The following MORC4 variants were observed in gnomAD, a reference collection of about 807,000 sequenced individuals.
The protein encoded by MORC4 is MORC family CW-type zinc finger 4, also known as MORC family CW-type zinc finger protein 4.
A neutral mutation model predicts 65.5 loss-of-function variants in MORC4; 22 were observed. That is an observed-to-expected ratio of 0.34 (90% CI 0.24 to 0.48). MORC4 has a LOEUF of 0.48. Ranked by LOEUF, MORC4 falls within the 20% of genes least tolerant of loss-of-function variation. The pLI, the probability that MORC4 is intolerant of heterozygous loss-of-function variation, is 0.99. For synonymous variants in MORC4, 267 were observed against 255.8 expected (o/e 1.04, Z -0.42); for missense variants, 624 against 703.0 (o/e 0.89, Z 1.27).
intron 10 of MORC4, among the ~76,000 whole-genome samples, chrX:106,961,520 C>T (rs1002690590): frequency 8.9e-6 from 1 of 111,886 alleles, no homozygotes; most frequent in Middle Eastern, 4.6e-3. Flanking sequence ...CTTCCTGGGT[C>T]GAGTGGGGAC....
At chrX:106,973,194 G>A (rs938542826) in intron 9 of MORC4, among the ~76,000 whole-genome samples, 1 of 112,054 alleles carries the variant, frequency 8.9e-6, no homozygotes, top group Non-Finnish European at 1.9e-5. Flanking sequence ...AAATGCCTGT[G>A]ACCTGTGACC....
chrX:106,981,133 G>T (rs1056940039), intron 6 of MORC4, 114 bp from the exon 7 acceptor site: 1 of 969,333 alleles, frequency 1.0e-6, no homozygotes, highest in East Asian at 3.1e-5. Context: ...ATTTGGCTCA[G>T]TTTCTATACC....
chrX:106,956,639 A>G, intron 12 of MORC4, 105 bp from the exon 13 acceptor site: 1 of 723,516 alleles, frequency 1.4e-6, no homozygotes, highest in Non-Finnish European at 2.1e-6. Context: ...CAAATTACAA[A>G]TACTGTGAGC....
At chrX:106,969,319 T>C (rs1167810747) in intron 9 of MORC4, among the ~76,000 whole-genome samples, 2 of 111,792 alleles carry the variant, frequency 1.8e-5, no homozygotes, top group Non-Finnish European at 3.8e-5. Flanking sequence ...GGGACACATT[T>C]AAAGCTGTCT....
chrX:106,993,626 C>G (rs1156282018), intron 2 of MORC4, among the ~76,000 whole-genome samples: 1 of 111,664 alleles, frequency 9.0e-6, no homozygotes, highest in African/African-American at 3.3e-5. Context: ...ACTTCAGGGT[C>G]TTTGGAAAAA....
intron 7 of MORC4, among the ~76,000 whole-genome samples, chrX:106,979,678 G>T (rs1934700582): frequency 9.0e-6 from 1 of 110,862 alleles, no homozygotes; most frequent in East Asian, 2.8e-4. Flanking sequence ...AATGGGAAGG[G>T]AGTCTGAGAA....
chrX:106,989,880 A>T (rs2147825667), intron 3 of MORC4, among the ~76,000 whole-genome samples: 1 of 97,335 alleles, frequency 1.0e-5, no homozygotes, highest in African/African-American at 3.8e-5. Flanking sequence ...AAAAAAAAAA[A>T]AACCCAGAAA....
Position 106,954,991 on chromosome X carries a change from A to G in MORC4, c.1607T>C (p.Leu536Pro). ...GYEGIHSPSV[L>P]PSGGEESRSP... Reference sequence around the variant, plus strand: ...TCTGCTTTCTTCTCCACCAGAAGGAAGCACACTAGGGCTATGAATTCCCTC... The same window carrying G: ...TCTGCTTTCTTCTCCACCAGAAGGAGGCACACTAGGGCTATGAATTCCCTC... Residue 536 changes from leucine to proline, a missense_variant, in exon 14 of 17, where the codon CTT becomes CCT. Transcript: ENST00000355610. 6 of 1,207,488 alleles carry G rather than the reference A, an allele frequency of 5.0e-6. No individual in the cohort carries two copies. The highest frequency in any genetic ancestry group is 6.7e-6 in the Non-Finnish European group (6 of 892,056).
intron 13 of MORC4, among the ~76,000 whole-genome samples, chrX:106,955,534 C>CAG (rs1173931534): frequency 9.0e-6 from 1 of 111,022 alleles, no homozygotes; most frequent in Non-Finnish European, 1.9e-5. Context: ...CACACACACA[C>CAG]ACACACAGAC....
rs1933690671 is a variant in MORC4, at chrX:106,941,825, T to C, written c.2660+113A>G. 3 of 900,267 alleles carry C rather than the reference T, an allele frequency of 3.3e-6. No homozygotes were observed. In the East Asian group the frequency reaches 9.3e-5, roughly 28 times the overall value. The allele number at this position is 900,267 out of a possible 1,213,427, so 74.2% of individuals were successfully genotyped here. A position where few individuals can be genotyped will look rare whatever the true frequency, so the allele number is the denominator to read the frequency against. On this transcript the variant is annotated intron_variant, in intron 16 of 16. Transcript: ENST00000355610. Reference sequence around the variant, plus strand: ...TTTCTAAGAAGTAATTACTCAATTCTTGGTGGCCTGTGAATTAAGGCTTCC... The same window carrying C: ...TTTCTAAGAAGTAATTACTCAATTCCTGGTGGCCTGTGAATTAAGGCTTCC...
chrX:106,968,132 A>G (rs1172012738), intron 9 of MORC4, among the ~76,000 whole-genome samples: 1 of 112,150 alleles, frequency 8.9e-6, no homozygotes, highest in Non-Finnish European at 1.9e-5. Context: ...CAGAAACCCT[A>G]TAAGCCAGAA....
intron 2 of MORC4, among the ~76,000 whole-genome samples, chrX:106,995,203 T>C: frequency 9.1e-6 from 1 of 109,601 alleles, no homozygotes; most frequent in Non-Finnish European, 1.9e-5. Context: ...TCTAAGCTTA[T>C]TGCAGTAACC....
intron 2 of MORC4, among the ~76,000 whole-genome samples, chrX:106,995,365 C>T (rs1935059028): frequency 8.9e-6 from 1 of 111,944 alleles, no homozygotes; most frequent in Non-Finnish European, 1.9e-5. Flanking sequence ...CCCGGTCACA[C>T]CCTGATCCCA....
rs779541314 is a variant in MORC4 at position 106,942,658 on chromosome X, T to A, written c.2233A>T (p.Ile745Phe). The change falls in exon 15 of 17, where the codon ATT (isoleucine) becomes TTT (phenylalanine). Residue 745 changes from isoleucine (I) to phenylalanine (F), a missense_variant. By Grantham distance (21) the Ile-to-Phe change is conservative. Transcript: ENST00000355610. ...TCATAGCCTCTTGCTTTCTCCCCAA[T>A]GGCTGCAGCAGGGATTGCAGCAGAG... ...VASAAIPAAA[I>F]GEKARGYEES... 5.0e-6 allele frequency: 6 copies of A among 1,209,688 alleles called. No individual in the cohort carries two copies. In the East Asian group the frequency reaches 1.5e-4, roughly 30 times the overall value.
intron 9 of MORC4, among the ~76,000 whole-genome samples, chrX:106,970,420 G>A (rs1934481757): frequency 9.0e-6 from 1 of 111,038 alleles, no homozygotes; most frequent in South Asian, 3.8e-4. Context: ...CTGGCATAAG[G>A]ATGCCCTCTC....
rs376433331 is a variant in MORC4, at chrX:106,943,190, G to A, written c.1701C>T (p.Ile567=). The A allele has an allele frequency of 9.5e-5, 114 of 1,197,018 alleles. No homozygotes were observed. In the Middle Eastern group the frequency reaches 1.9e-3, roughly 20 times the overall value. Residue 567 remains isoleucine (I), a synonymous_variant, in exon 15 of 17, where the codon ATC becomes ATT. Coordinates refer to ENST00000355610, the MANE Select transcript of MORC4 (RefSeq NM_024657.5). ...VLQFSSKYKW[I]LGEEPVEKRR... ...GTTTCTCCACCGGTTCTTCACCTAG[G>A]ATCCATTTGTACTTACTGCAAGAAG...
At chrX:106,948,716 GGT>G (rs1201127300) in intron 14 of MORC4, among the ~76,000 whole-genome samples, 2 of 111,567 alleles carry the variant, frequency 1.8e-5, no homozygotes, top group South Asian at 3.7e-4. Flanking sequence ...TAAGATACTT[GGT>G]TGTCAGTCTT....
chrX:106,980,421 T>C (rs1467484850), intron 7 of MORC4, among the ~76,000 whole-genome samples: 1 of 111,127 alleles, frequency 9.0e-6, no homozygotes, highest in Non-Finnish European at 1.9e-5. Context: ...AGTCTGGACC[T>C]GTTCCAACAA....
chrX:106,943,175 C>T lies in MORC4; in HGVS notation c.1716G>A (p.Pro572=), dbSNP rs780285291. ...TCTGGAGCCTTCTTCGTTTCTCCAC[C>T]GGTTCTTCACCTAGGATCCATTTGT... ...SKYKWILGEE[P]VEKRRRLQNE... The change falls in exon 15 of 17, where the codon CCG becomes CCA. Residue 572 remains proline, a synonymous_variant. Coordinates refer to ENST00000355610, the MANE Select transcript of MORC4 (RefSeq NM_024657.5). The T allele has an allele frequency of 1.8e-5, 22 of 1,203,649 alleles. No individual in the cohort carries two copies. The South Asian group carries it at 1.9e-4, about 11-fold the overall frequency.
Sources: gnomAD v4.1 joint callset for allele counts (sites outside exome capture counted in the v4.1 genomes callset) on GRCh38, gnomAD v4.1.1 for gene constraint, MANE v1.5 for transcripts, NCBI Gene and HGNC (gene_info 2026-07-23, HGNC 2026-07-21) for gene names.